LNX2: variants seen among roughly 807,000 people sequenced by gnomAD.
The protein encoded by LNX2 is ligand of Numb protein X 2.
In LNX2, 35 loss-of-function variants were observed where a neutral mutation model predicts 66.2. That is an observed-to-expected ratio of 0.53 (90% CI 0.40 to 0.70). LNX2 has a LOEUF of 0.70. LNX2 is among the 30% of genes least tolerant of loss of function. The probability of loss-of-function intolerance (pLI) is 0.00; values close to 1 mark genes in which losing one functional copy is unlikely to be tolerated. For missense variants in LNX2, 791 were observed against 850.8 expected (o/e 0.93, Z 0.87); for synonymous variants, 337 against 315.6 (o/e 1.07, Z -0.72).
At chr13:27,575,935 G>A (rs1267298631) in intron 2 of LNX2, among the ~76,000 whole-genome samples, 1 of 152,032 alleles carries the variant, frequency 6.6e-6, no homozygotes, top group African/African-American at 2.4e-5. Flanking sequence ...AAAGAAATAA[G>A]ACATATAGAA....
At chr13:27,583,596 C>A (rs866530132) in intron 1 of LNX2, among the ~76,000 whole-genome samples, 27 of 152,068 alleles carry the variant, frequency 1.8e-4, no homozygotes, top group African/African-American at 6.5e-4. Flanking sequence ...CAGGGTAGCG[C>A]GAGCCTAGCC....
intron 7 of LNX2, among the ~76,000 whole-genome samples, chr13:27,555,630 C>T (rs1270771303): frequency 1.3e-5 from 2 of 152,136 alleles, no homozygotes; most frequent in Non-Finnish European, 2.9e-5. Flanking sequence ...GATCTTGCAT[C>T]CATTATGATT....
chr13:27,567,189 T>C (rs1955216902), intron 4 of LNX2, among the ~76,000 whole-genome samples: 1 of 152,172 alleles, frequency 6.6e-6, no homozygotes. Flanking sequence ...TTATGAGTGC[T>C]GCATGGTTCC....
chr13:27,581,265 C>A, intron 2 of LNX2, 32 bp downstream of exon 2: 1 of 1,444,152 alleles, frequency 6.9e-7, no homozygotes, highest in South Asian at 1.6e-5. Context: ...TTTCCAAAAT[C>A]TGGAGTTACT....
intron 5 of LNX2, among the ~76,000 whole-genome samples, chr13:27,561,291 A>C (rs1056357031): frequency 6.6e-6 from 1 of 152,190 alleles, no homozygotes; most frequent in African/African-American, 2.4e-5. Context: ...ATTATTTTCT[A>C]TCTTATTGAT....
chr13:27,559,997 A>G lies in LNX2; in HGVS notation c.1225-12T>C. On this transcript the variant is annotated splice_polypyrimidine_tract_variant and intron_variant, in intron 5 of 9. Coordinates refer to ENST00000316334, the MANE Select transcript of LNX2 (RefSeq NM_153371.4). Reference sequence around the variant, plus strand: ...CTCTCTCCACTGGCCTGGAGAAAACACAAATACATTACCATAAGTGACTAA... The same window carrying G: ...CTCTCTCCACTGGCCTGGAGAAAACGCAAATACATTACCATAAGTGACTAA... 6.3e-7 allele frequency: 1 copy of G among 1,585,726 alleles called. No homozygotes were observed.
chr13:27,550,878 T>C (rs1204741136), intron 8 of LNX2, among the ~76,000 whole-genome samples: 1 of 152,132 alleles, frequency 6.6e-6, no homozygotes, highest in Non-Finnish European at 1.5e-5. Flanking sequence ...CAATGTGGGA[T>C]GAAAGAGGTC....
chr13:27,575,422 T>C (rs1955331745), intron 2 of LNX2, among the ~76,000 whole-genome samples: 1 of 152,208 alleles, frequency 6.6e-6, no homozygotes, highest in Admixed American at 6.5e-5. Context: ...GTGGACTCCA[T>C]AAAGTATAAA....
intron 4 of LNX2, among the ~76,000 whole-genome samples, chr13:27,565,415 A>G (rs1445784100): frequency 6.6e-6 from 1 of 152,216 alleles, no homozygotes; most frequent in Non-Finnish European, 1.5e-5. Flanking sequence ...GCTGCAGAAA[A>G]GGACTATCTG....
intron 1 of LNX2, among the ~76,000 whole-genome samples, chr13:27,591,617 T>A (rs948661764): frequency 3.9e-5 from 6 of 152,222 alleles, no homozygotes; most frequent in Admixed American, 3.9e-4. Context: ...CGTCCATCCA[T>A]CTAGGATTTA....
intron 1 of LNX2, among the ~76,000 whole-genome samples, chr13:27,597,824 A>G (rs1955616041): frequency 6.6e-6 from 1 of 152,182 alleles, no homozygotes; most frequent in African/African-American, 2.4e-5. Flanking sequence ...TACCATAACC[A>G]GCATAGACAT....
intron 4 of LNX2, among the ~76,000 whole-genome samples, chr13:27,565,153 T>C (rs757156617): frequency 2.7e-4 from 41 of 152,200 alleles, no homozygotes; most frequent in Admixed American, 7.2e-4. Flanking sequence ...CCCAAAAATA[T>C]GGTTGATAAT....
chr13:27,567,906 ATTCTGATTATC>A, intron 3 of LNX2, 67 bp from the exon 4 acceptor site: 1 of 1,273,550 alleles, frequency 7.9e-7, no homozygotes, highest in East Asian at 2.4e-5. Context: ...AACAATTTAT[ATTCTGATTATC>A]TTCAGGTAAG....
At chr13:27,555,885 C>T (rs1465849044) in intron 7 of LNX2, among the ~76,000 whole-genome samples, 1 of 152,170 alleles carries the variant, frequency 6.6e-6, no homozygotes, top group African/African-American at 2.4e-5. Flanking sequence ...CTCTCTGAGT[C>T]CCCTTCTACA....
chr13:27,620,786 C>G (rs1566138542), upstream of LNX2: 1 of 153,490 alleles, frequency 6.5e-6, no homozygotes, highest in South Asian at 1.9e-4. Context: ...CCCGGGCTGT[C>G]CCCGCCGCCC....
chr13:27,563,016 G>A lies in LNX2; in HGVS notation c.856-235C>T, dbSNP rs1019873244. ...GGAGAGAATAGTAGCTAGGATCACGGGCTTTAATGACGGTCTTGAATTAGA... is the reference window on the plus strand; with the variant it reads ...GGAGAGAATAGTAGCTAGGATCACGAGCTTTAATGACGGTCTTGAATTAGA... On this transcript the variant is annotated intron_variant, in intron 4 of 9. Transcript: ENST00000316334. Among the ~76,000 whole-genome samples, 4 of 151,386 alleles carry A rather than the reference G, an allele frequency of 2.6e-5. No homozygotes were observed. The East Asian group carries it at 5.8e-4, about 22-fold the overall frequency.
intron 7 of LNX2, among the ~76,000 whole-genome samples, chr13:27,553,661 A>T (rs1475492556): frequency 6.6e-6 from 1 of 152,214 alleles, no homozygotes; most frequent in African/African-American, 2.4e-5. Context: ...GTCATAATAC[A>T]TAGAAAAAAG....
At chr13:27,579,362 TCAC>T (rs780348921) in intron 2 of LNX2, among the ~76,000 whole-genome samples, 9 of 152,292 alleles carry the variant, frequency 5.9e-5, no homozygotes, top group Non-Finnish European at 1.2e-4. Flanking sequence ...ATCAGGCAAA[TCAC>T]CACCTTTTCC....
intron 5 of LNX2, among the ~76,000 whole-genome samples, chr13:27,561,157 AATAC>A (rs1566117233): frequency 6.6e-6 from 1 of 152,220 alleles, no homozygotes; most frequent in Non-Finnish European, 1.5e-5. Context: ...GACAATTTAA[AATAC>A]ATTTTCTATC....
Sources: gnomAD v4.1 joint callset for allele counts (sites outside exome capture counted in the v4.1 genomes callset) on GRCh38, gnomAD v4.1.1 for gene constraint, MANE v1.5 for transcripts, NCBI Gene and HGNC (gene_info 2026-07-23, HGNC 2026-07-21) for gene names.